The following PTCHD4 variants were observed in gnomAD, a reference collection of about 807,000 sequenced individuals.
PTCHD4 encodes patched domain-containing protein 4.
In PTCHD4, 33 loss-of-function variants were observed where a neutral mutation model predicts 58.1. That is an observed-to-expected ratio of 0.57 (90% CI 0.43 to 0.76). The LOEUF is 0.76. PTCHD4 is among the 30% of genes least tolerant of loss of function. The pLI is 0.00. For synonymous variants in PTCHD4, 478 were observed against 409.6 expected (o/e 1.17, Z -2.02); for missense variants, 1,058 against 1,027.1 (o/e 1.03, Z -0.41).
intron 3 of PTCHD4, among the ~76,000 whole-genome samples, chr6:48,011,906 G>A (rs1249862007): frequency 6.6e-6 from 1 of 152,038 alleles, no homozygotes; most frequent in Non-Finnish European, 1.5e-5. Context: ...TATTTCTGAG[G>A]CCTCTGTTCT....
At chr6:47,996,760 C>T (rs968079922) in intron 4 of PTCHD4, among the ~76,000 whole-genome samples, 1 of 152,138 alleles carries the variant, frequency 6.6e-6, no homozygotes, top group Non-Finnish European at 1.5e-5. Flanking sequence ...TGAAAAGGTA[C>T]AACTTTTAAA....
At chr6:47,894,522 T>C (rs903167207) in intron 4 of PTCHD4, among the ~76,000 whole-genome samples, 3 of 152,218 alleles carry the variant, frequency 2.0e-5, no homozygotes, top group Non-Finnish European at 4.4e-5. Flanking sequence ...ACTCCTATCT[T>C]ACTGTGTTGC....
chr6:47,925,152 A>G (rs971153844), intron 4 of PTCHD4, among the ~76,000 whole-genome samples: 1 of 149,508 alleles, frequency 6.7e-6, no homozygotes, highest in Non-Finnish European at 1.5e-5. Flanking sequence ...ATATATATGT[A>G]TATGTGTTTA....
intron 4 of PTCHD4, among the ~76,000 whole-genome samples, chr6:47,998,328 A>C (rs1419313057): frequency 6.6e-6 from 1 of 152,184 alleles, no homozygotes; most frequent in African/African-American, 2.4e-5. Flanking sequence ...TTCAATCCTG[A>C]TTCACTATCT....
rs148819762 is a variant in PTCHD4, at chr6:48,063,501, T to C, written c.417+4729A>G. Among the ~76,000 whole-genome samples, 5 of 152,256 alleles carry C rather than the reference T, an allele frequency of 3.3e-5. No homozygotes were observed. The East Asian group carries it at 9.7e-4, about 29-fold the overall frequency. ...TGTCATGGGATCTAATATTGTATTG[T>C]GGTTAAGAATATGAGCTTCAGTACC... On this transcript the variant is annotated intron_variant, in intron 3 of 4. Coordinates refer to ENST00000339488, the MANE Select transcript of PTCHD4 (RefSeq NM_001384253.1).
intron 1 of PTCHD4, among the ~76,000 whole-genome samples, chr6:48,090,116 GT>G (rs1444313553): frequency 6.6e-6 from 1 of 152,092 alleles, no homozygotes; most frequent in African/African-American, 2.4e-5. Flanking sequence ...AATCTACAGT[GT>G]TATACAAATT....
chr6:48,104,373 A>C (rs1765674835), intron 1 of PTCHD4, among the ~76,000 whole-genome samples: 2 of 152,236 alleles, frequency 1.3e-5, no homozygotes, highest in Non-Finnish European at 2.9e-5. Flanking sequence ...TGAAGGAGAA[A>C]TAAAATACTT....
rs1334380925 is a variant in PTCHD4 at position 47,857,350 on chromosome 6, A to G, written c.*20953T>C. Among the ~76,000 whole-genome samples, 3 of 152,106 alleles carry G rather than the reference A, an allele frequency of 2.0e-5. No individual in the cohort carries two copies. Among genetic ancestry groups the G allele is most frequent in the Non-Finnish European group, 2.9e-5 (2 of 68,004 alleles). On this transcript the variant is annotated 3_prime_UTR_variant, in exon 5 of 5. Transcript: ENST00000339488. ...TTTCTGCGAATACGTAGTTTCATGT[A>G]GGGCATAACTTCTATCCTGTGATAG...
chr6:47,977,373 AG>A (rs1767730768), intron 4 of PTCHD4, among the ~76,000 whole-genome samples: 1 of 152,194 alleles, frequency 6.6e-6, no homozygotes, highest in South Asian at 2.1e-4. Flanking sequence ...AATTCTCTTG[AG>A]GGCTTTGATG....
At position 47,867,001 on chromosome 6, in the gene PTCHD4, T is replaced by C. The variant is rs189411387; in HGVS notation, c.*11302A>G. Among the ~76,000 whole-genome samples the C allele has an allele frequency of 1.3e-5, 2 of 151,974 alleles. No homozygotes were observed. Among genetic ancestry groups the C allele is most frequent in the East Asian group, 3.9e-4 (2 of 5,140 alleles). The stretch of plus-strand genomic sequence containing the variant: ...CTGTACATGCACCTTTCATACTGAT[T>C]TATGATGAAAAGATGATATATTTTA... On this transcript the variant is annotated 3_prime_UTR_variant, in exon 5 of 5. Coordinates refer to ENST00000339488, the MANE Select transcript of PTCHD4 (RefSeq NM_001384253.1).
intron 4 of PTCHD4, among the ~76,000 whole-genome samples, chr6:47,947,218 C>T (rs937741570): frequency 1.3e-5 from 2 of 152,056 alleles, no homozygotes; most frequent in Non-Finnish European, 2.9e-5. Context: ...TCAATATTTT[C>T]ACCTTTCCCC....
chr6:48,110,901 A>G (rs1288245559), intron 1 of PTCHD4, among the ~76,000 whole-genome samples, 148 bp downstream of exon 1: 1 of 151,412 alleles, frequency 6.6e-6, no homozygotes, highest in Non-Finnish European at 1.5e-5. Flanking sequence ...GAACATTTTA[A>G]TATTCACTGA....
At chr6:48,109,149 T>G (rs1379419307) in intron 1 of PTCHD4, among the ~76,000 whole-genome samples, 3 of 152,172 alleles carry the variant, frequency 2.0e-5, no homozygotes, top group African/African-American at 7.2e-5. Flanking sequence ...GACATCTGCT[T>G]ATTTTGTGAA....
rs1250944045 is a variant in PTCHD4 at position 47,866,228 on chromosome 6, G to A, written c.*12075C>T. On this transcript the variant is annotated 3_prime_UTR_variant, in exon 5 of 5. Transcript: ENST00000339488. ...ATAAAAGGCTCTATCAGTATTTATT[G>A]GATTAAATGTGTTGACTTGGTTGTC... 6.6e-6 allele frequency among the ~76,000 whole-genome samples: 1 copy of A among 151,744 alleles called. No individual in the cohort carries two copies. The highest frequency in any genetic ancestry group is 1.5e-5 in the Non-Finnish European group (1 of 67,854).
In PTCHD4 at chr6:47,899,628, A is replaced by G. The variant is rs1764635412; in HGVS notation, c.899-19692T>C. On this transcript the variant is annotated intron_variant, in intron 4 of 4. Transcript: ENST00000339488. ...CCTTCCGTTTGTTTTTAACAGCTTT[A>G]TTGTGATATAATGCCAAGCAATTCA... 5 of 908,196 alleles carry G rather than the reference A, an allele frequency of 5.5e-6. No individual in the cohort carries two copies. The South Asian group carries it at 2.0e-4, about 37-fold the overall frequency. The allele number at this position is 908,196 out of a possible 1,614,324, so 56.3% of individuals were successfully genotyped here.
In PTCHD4 at chr6:47,869,162, A is replaced by G. The variant is rs1217198782; in HGVS notation, c.*9141T>C. Among the ~76,000 whole-genome samples, 15 of 151,738 alleles carry G rather than the reference A, an allele frequency of 9.9e-5. No homozygotes were observed. Among genetic ancestry groups the G allele is most frequent in the Admixed American group, 9.2e-4 (14 of 15,192 alleles). On this transcript the variant is annotated 3_prime_UTR_variant, in exon 5 of 5. Transcript: ENST00000339488. ...TATGTATAATGCCACCACATTATTC[A>G]TCAAAATACAGTGGACTTGGATATT...
rs919693341 is a variant in PTCHD4, at chr6:48,009,164, G to A, written c.418-50C>T. On this transcript the variant is annotated intron_variant, in intron 3 of 4. Transcript: ENST00000339488. Reference sequence around the variant, plus strand: ...TTCAGTTACGGATGTATATTCCAGGGAATAGATTCTTACTCTAAGTGAAGG... The same window carrying A: ...TTCAGTTACGGATGTATATTCCAGGAAATAGATTCTTACTCTAAGTGAAGG... 3.3e-6 allele frequency: 5 copies of A among 1,522,356 alleles called. No homozygotes were observed. The South Asian group carries it at 6.6e-5, about 20-fold the overall frequency. 94.3% of individuals were successfully genotyped at this position (1,522,356 alleles called of 1,614,324 possible). A position where few individuals can be genotyped will look rare whatever the true frequency, so the allele number is the denominator to read the frequency against.
rs1278876110 is a variant in PTCHD4, at chr6:47,857,854, C to T, written c.*20449G>A. Among the ~76,000 whole-genome samples the T allele has an allele frequency of 2.0e-5, 3 of 151,866 alleles. No individual in the cohort carries two copies. Among genetic ancestry groups the T allele is most frequent in the African/African-American group, 7.3e-5 (3 of 41,350 alleles). Reference sequence around the variant, plus strand: ...CAAGCTGGTACTTTAACATCTACCTCCCAAAGTTAATTTCATTATAATAAT... The same window carrying T: ...CAAGCTGGTACTTTAACATCTACCTTCCAAAGTTAATTTCATTATAATAAT... On this transcript the variant is annotated 3_prime_UTR_variant, in exon 5 of 5. Transcript: ENST00000339488.
intron 4 of PTCHD4, among the ~76,000 whole-genome samples, chr6:47,969,105 GC>G (rs1221637091): frequency 6.6e-6 from 1 of 152,058 alleles, no homozygotes; most frequent in African/African-American, 2.4e-5. Context: ...AACTTCACTG[GC>G]TCTTGAGGAA....
Sources: gnomAD v4.1 joint callset for allele counts (sites outside exome capture counted in the v4.1 genomes callset) on GRCh38, gnomAD v4.1.1 for gene constraint, MANE v1.5 for transcripts, NCBI Gene and HGNC (gene_info 2026-07-23, HGNC 2026-07-21) for gene names.